Variants in NOL7 observed in about 807,000 individuals in gnomAD.
NOL7 encodes the protein nucleolar protein 7, also known as U3 small nucleolar RNA-associated protein NOL7.
NOL7 carries 36 observed loss-of-function variants against 38.4 expected under a neutral mutation model. That is an observed-to-expected ratio of 0.94 (90% CI 0.72 to 1.24). NOL7 has a LOEUF of 1.24. Ranked by LOEUF, NOL7 falls within the 50% of genes most tolerant of loss-of-function variation. NOL7 has a pLI of 0.00. For missense variants in NOL7, 350 were observed against 315.1 expected (o/e 1.11, Z -0.84); for synonymous variants, 142 against 126.5 (o/e 1.12, Z -0.82).
rs749949750 is a variant in NOL7 at position 13,618,057 on chromosome 6, GTTAA to G, written c.421_424del (p.Asn141CysfsTer34). On this transcript the variant is annotated frameshift_variant and splice_region_variant, in exon 5 of 8. Transcript: ENST00000451315. LOFTEE classifies it high-confidence loss of function. ...TTAGAAAATGTAACTCTATTTTTTA[GTTAA>G]TTTGCAAAAGAAAAATGAAGACTGT... The G allele has an allele frequency of 2.7e-6, 4 of 1,471,958 alleles. No individual in the cohort carries two copies. Among genetic ancestry groups the G allele is most frequent in the Non-Finnish European group, 3.8e-6 (4 of 1,062,024 alleles). 91.2% of individuals were successfully genotyped at this position (1,471,958 alleles called of 1,614,324 possible).
chr6:13,632,036 T>C (rs1039691101), intron 8 of NOL7, among the ~76,000 whole-genome samples: 8 of 151,802 alleles, frequency 5.3e-5, no homozygotes, highest in Non-Finnish European at 1.0e-4. Context: ...AACTGCTGAT[T>C]TTACAGCTGA....
At chr6:13,615,799 A>T in intron 2 of NOL7, 27 bp downstream of exon 2, 3 of 1,595,568 alleles carry the variant, frequency 1.9e-6, no homozygotes, top group Non-Finnish European at 2.6e-6. Flanking sequence ...GAGGTGTCTT[A>T]TTAAAACAAC....
At chr6:13,617,995 C>T in intron 4 of NOL7, 63 bp from the exon 5 acceptor site, 1 of 1,042,590 alleles carries the variant, frequency 9.6e-7, no homozygotes, top group Non-Finnish European at 1.5e-6. Context: ...AAGTGAACTC[C>T]AGTAAATTTC....
chr6:13,617,207 T>C (rs887089405), intron 3 of NOL7, among the ~76,000 whole-genome samples: 1 of 152,110 alleles, frequency 6.6e-6, no homozygotes, highest in African/African-American at 2.4e-5. Flanking sequence ...TTTCATCTTT[T>C]AAAACCAAGC....
chr6:13,617,118 T>TA (rs1356830681), intron 3 of NOL7, among the ~76,000 whole-genome samples: 3 of 152,162 alleles, frequency 2.0e-5, no homozygotes, highest in East Asian at 1.9e-4. Context: ...AAGTTTTCAG[T>TA]AAAAAAACTT....
At chr6:13,624,380 C>T (rs1274852147), downstream of NOL7, among the ~76,000 whole-genome samples, 1 of 152,152 alleles carries the variant, frequency 6.6e-6, no homozygotes, top group African/African-American at 2.4e-5. Context: ...CCTCATCTTC[C>T]TAAACTAGTT....
At chr6:13,619,842 CAA>C (rs1764391156) in intron 5 of NOL7, among the ~76,000 whole-genome samples, 1 of 152,180 alleles carries the variant, frequency 6.6e-6, no homozygotes. Flanking sequence ...CACTATGAGA[CAA>C]ATGATAAAAA....
chr6:13,627,328 A>T (rs1764635078), intron 8 of NOL7, among the ~76,000 whole-genome samples: 1 of 152,086 alleles, frequency 6.6e-6, no homozygotes, highest in South Asian at 2.1e-4. Context: ...AACTCAAATC[A>T]AACACATTAT....
intron 8 of NOL7, among the ~76,000 whole-genome samples, chr6:13,627,184 C>T (rs1764632081): frequency 6.6e-6 from 1 of 152,128 alleles, no homozygotes; most frequent in Non-Finnish European, 1.5e-5. Context: ...CTGTTGAGAG[C>T]AAGACCTGCT....
downstream of NOL7, among the ~76,000 whole-genome samples, chr6:13,624,841 A>G (rs1191132640): frequency 6.6e-6 from 1 of 152,194 alleles, no homozygotes; most frequent in Non-Finnish European, 1.5e-5. Context: ...TATAAATGCA[A>G]ATAGAATGTG....
In NOL7 at chr6:13,615,816, C is replaced by G. The variant is rs762236958; in HGVS notation, c.327+44C>G. Reference sequence around the variant, plus strand: ...GGTGTCTTATTAAAACAACTCGGCTCAGGGAGAATTCCTATGGTGGATGTA... The same window carrying G: ...GGTGTCTTATTAAAACAACTCGGCTGAGGGAGAATTCCTATGGTGGATGTA... On this transcript the variant is annotated intron_variant, in intron 2 of 7. Coordinates refer to ENST00000451315, the MANE Select transcript of NOL7 (RefSeq NM_016167.5). The G allele has an allele frequency of 3.8e-6, 6 of 1,566,722 alleles. No homozygotes were observed. The African/African-American group carries it at 8.2e-5, about 21-fold the overall frequency.
Position 13,621,600 on chromosome 6 carries a change from AAATT to A in NOL7, c.*776_*779del, listed in dbSNP as rs914452530. On this transcript the variant is annotated 3_prime_UTR_variant, in exon 8 of 8. Coordinates refer to ENST00000451315, the MANE Select transcript of NOL7 (RefSeq NM_016167.5). ...TAAAAATGGAAGGTGTACAAAGATT[AAATT>A]AAGACACGGTAAATTGACTAAATAT... 1 of 152,602 alleles carries A rather than the reference AAATT, an allele frequency of 6.6e-6. No homozygotes were observed. Among genetic ancestry groups the A allele is most frequent in the Non-Finnish European group, 1.5e-5 (1 of 68,038 alleles). 9.5% of individuals were successfully genotyped at this position (152,602 alleles called of 1,614,324 possible). A position where few individuals can be genotyped will look rare whatever the true frequency, so the allele number is the denominator to read the frequency against.
downstream of NOL7, chr6:13,625,892 T>A: frequency 3.3e-6 from 2 of 603,898 alleles, no homozygotes; most frequent in Non-Finnish European, 3.0e-6. Flanking sequence ...TAAACCCATT[T>A]ACTCCCAGCA....
At chr6:13,624,264 T>C (rs565048602), downstream of NOL7, among the ~76,000 whole-genome samples, 44 of 152,360 alleles carry the variant, frequency 2.9e-4, no homozygotes, top group Admixed American at 8.5e-4. Context: ...GTCTTAAATA[T>C]GAATGCTTTT....
At chr6:13,620,617 G>A in intron 7 of NOL7, 132 bp downstream of exon 7, 2 of 1,025,982 alleles carry the variant, frequency 1.9e-6, no homozygotes. Context: ...GTGAAAAACA[G>A]GTCAATGTAG....
intron 8 of NOL7, among the ~76,000 whole-genome samples, chr6:13,628,052 A>C (rs1270710504): frequency 6.6e-6 from 1 of 152,222 alleles, no homozygotes; most frequent in Non-Finnish European, 1.5e-5. Context: ...CGTATTGTGC[A>C]CTAATATTGT....
chr6:13,620,709 TTATG>T, intron 7 of NOL7, 41 bp from the exon 8 acceptor site: 1 of 1,341,182 alleles, frequency 7.5e-7, no homozygotes, highest in Non-Finnish European at 1.0e-6. Context: ...AAATTTTGAA[TTATG>T]TTTTTCTAAT....
chr6:13,622,621 G>A (rs933198171), downstream of NOL7: 3 of 1,039,678 alleles, frequency 2.9e-6, no homozygotes, highest in Non-Finnish European at 3.9e-6. Flanking sequence ...ATCAGCAAAT[G>A]AAGGTTTCTA....
chr6:13,622,608 A>G, downstream of NOL7: 2 of 1,092,386 alleles, frequency 1.8e-6, no homozygotes, highest in Non-Finnish European at 2.5e-6. Flanking sequence ...ACCACTCTGA[A>G]ATATCAGCAA....
Sources: allele counts gnomAD v4.1 joint callset (sites outside exome capture counted in the v4.1 genomes callset), GRCh38; gene constraint gnomAD v4.1.1; transcripts MANE v1.5; gene names NCBI Gene and HGNC (gene_info 2026-07-23, HGNC 2026-07-21).